The following PLEKHA1 variants were observed in gnomAD, a reference collection of about 807,000 sequenced individuals.
The protein encoded by PLEKHA1 is pleckstrin homology domain containing A1.
A neutral mutation model predicts 52.0 loss-of-function variants in PLEKHA1; 34 were observed. The observed-to-expected ratio is 0.65, with a 90% confidence interval of 0.50 to 0.87. The LOEUF is 0.87. Among genes scored for constraint, PLEKHA1 ranks in the 40% least tolerant of loss-of-function variants. PLEKHA1 has a pLI of 0.00. For missense variants in PLEKHA1, 497 were observed against 504.2 expected, an observed-to-expected ratio of 0.99 and a Z score of 0.14; for synonymous variants, 163 against 170.7, an observed-to-expected ratio of 0.95 and a Z score of 0.35.
chr10:122,423,437 A>AC (rs1565315785), intron 8 of PLEKHA1: 2 of 115,946 alleles, frequency 1.7e-5, no homozygotes, highest in East Asian at 2.2e-4. Flanking sequence ...AAAAAAAAAA[A>AC]AACAAAAAAA....
At chr10:122,440,711 T>TA in the PLEKHA1 span, 1 of 152,154 alleles carries the variant, frequency 6.6e-6, no homozygotes, top group African/African-American at 2.4e-5. Context: ...TAGTCCCTTT[T>TA]AAAAGCCAAA....
intron 1 of PLEKHA1, among the ~76,000 whole-genome samples, chr10:122,376,899 C>T (rs991001166): frequency 2.6e-5 from 4 of 152,184 alleles, no homozygotes; most frequent in Non-Finnish European, 4.4e-5. Context: ...ATATTGACCA[C>T]TCCTAGGAAG....
At chr10:122,381,409 C>T (rs927215734) in intron 1 of PLEKHA1, among the ~76,000 whole-genome samples, 6 of 152,114 alleles carry the variant, frequency 3.9e-5, no homozygotes, top group South Asian at 2.1e-4. Context: ...TGTTGGGAGG[C>T]GGTTGGTTCA....
At chr10:122,385,595 C>T (rs1292748472) in intron 1 of PLEKHA1, among the ~76,000 whole-genome samples, 2 of 152,118 alleles carry the variant, frequency 1.3e-5, no homozygotes, top group South Asian at 2.1e-4. Flanking sequence ...GGATTATAGG[C>T]GTGAGCCACT....
At chr10:122,411,738 A>G (rs1226483348) in intron 5 of PLEKHA1, 1 of 152,220 alleles carries the variant, frequency 6.6e-6, no homozygotes, top group Non-Finnish European at 1.5e-5. Flanking sequence ...AATCACACTA[A>G]TAAACGGTTT....
chr10:122,425,042 G>A, intron 10 of PLEKHA1, 83 bp downstream of exon 10: 2 of 1,292,822 alleles, frequency 1.5e-6, no homozygotes, highest in Non-Finnish European at 2.2e-6. Context: ...AAACAAGCTT[G>A]TTGCACTTGA....
At position 122,429,895 on chromosome 10, in the gene PLEKHA1, TAGTAGACTTGG is replaced by T; in HGVS notation, c.1174_1184del (p.Val392ArgfsTer8). The T allele has an allele frequency of 6.2e-7, 1 of 1,614,140 alleles. No individual in the cohort carries two copies. The highest frequency in any genetic ancestry group is 1.1e-5 in the South Asian group (1 of 91,082). Reference sequence around the variant, plus strand: ...GGCCCTCAGGAAAAAGATTGTGACCTAGTAGACTTGGACGATGCGAGCCTTCCGGTCAGTGA... The same window carrying T: ...GGCCCTCAGGAAAAAGATTGTGACCTACGATGCGAGCCTTCCGGTCAGTGA... On this transcript the variant is annotated frameshift_variant, in exon 12 of 12. Coordinates refer to ENST00000368990, the MANE Select transcript of PLEKHA1 (RefSeq NM_001001974.4). LOFTEE classifies it high-confidence loss of function.
chr10:122,427,111 GTTTC>G, intron 11 of PLEKHA1, 80 bp downstream of exon 11: 2 of 1,308,886 alleles, frequency 1.5e-6, no homozygotes, highest in Non-Finnish European at 2.1e-6. Context: ...AATCCATCCG[GTTTC>G]TTTCTTTCTT....
chr10:122,397,805 T>C, intron 2 of PLEKHA1, 113 bp from the exon 3 acceptor site: 1 of 776,160 alleles, frequency 1.3e-6, no homozygotes. Flanking sequence ...ATTTGTAAAA[T>C]GTGATATTAA....
At chr10:122,432,485 A>C (rs2097422880), downstream of PLEKHA1, 1 of 152,254 alleles carries the variant, frequency 6.6e-6, no homozygotes, top group Non-Finnish European at 1.5e-5. Flanking sequence ...TGCAAGAATA[A>C]GAAACTTCAG....
intron 7 of PLEKHA1, among the ~76,000 whole-genome samples, chr10:122,416,422 T>G (rs1278264234): frequency 6.6e-6 from 1 of 152,172 alleles, no homozygotes; most frequent in Non-Finnish European, 1.5e-5. Context: ...CGTGGTAAGC[T>G]CTCTGACCTT....
At chr10:122,401,776 A>C (rs2096933112) in intron 4 of PLEKHA1, among the ~76,000 whole-genome samples, 1 of 152,152 alleles carries the variant, frequency 6.6e-6, no homozygotes, top group Non-Finnish European at 1.5e-5. Flanking sequence ...TGAAGGAACG[A>C]ATATTTGGAG....
chr10:122,377,313 CTG>C (rs1486872620), intron 1 of PLEKHA1, among the ~76,000 whole-genome samples: 3 of 152,100 alleles, frequency 2.0e-5, no homozygotes, highest in African/African-American at 4.8e-5. Flanking sequence ...TTGATTCCAA[CTG>C]TGAGCTGAGG....
chr10:122,402,942 A>T (rs563403836), intron 4 of PLEKHA1, among the ~76,000 whole-genome samples: 50 of 152,306 alleles, frequency 3.3e-4, no homozygotes, highest in Middle Eastern at 3.4e-3. Context: ...TAGAGAAAAG[A>T]TCCATAGATA....
intron 5 of PLEKHA1, among the ~76,000 whole-genome samples, chr10:122,411,074 A>AT (rs2097100171): frequency 6.6e-6 from 1 of 152,206 alleles, no homozygotes; most frequent in Admixed American, 6.5e-5. Context: ...GACAAGGAAA[A>AT]TTCTCTTCAT....
At position 122,430,788 on chromosome 10, in the gene PLEKHA1, T is replaced by A. The variant is rs933252034; in HGVS notation, c.*850T>A. 2 of 152,294 alleles carry A rather than the reference T, an allele frequency of 1.3e-5. No homozygotes were observed. Among genetic ancestry groups the A allele is most frequent in the Non-Finnish European group, 2.9e-5 (2 of 68,040 alleles). The allele number at this position is 152,294 out of a possible 1,614,324, so 9.4% of individuals were successfully genotyped here. ...ATAACTGCCCTTAGTCATGAAATTG[T>A]TGTGACCTCTACTTTTTGTCACTAA... On this transcript the variant is annotated 3_prime_UTR_variant, in exon 12 of 12. Coordinates refer to ENST00000368990, the MANE Select transcript of PLEKHA1 (RefSeq NM_001001974.4).
At chr10:122,428,423 T>G in intron 11 of PLEKHA1, 1 of 1,450,386 alleles carries the variant, frequency 6.9e-7, no homozygotes, top group Non-Finnish European at 9.1e-7. Context: ...CATAGAAAGT[T>G]GAGTTAACCA....
intron 5 of PLEKHA1, among the ~76,000 whole-genome samples, chr10:122,409,103 A>T (rs1353495628): frequency 6.6e-6 from 1 of 152,144 alleles, no homozygotes; most frequent in Non-Finnish European, 1.5e-5. Context: ...CTCTAACGCT[A>T]TAGTCTGTGA....
At chr10:122,376,411 G>A (rs539739798) in intron 1 of PLEKHA1, among the ~76,000 whole-genome samples, 4 of 151,040 alleles carry the variant, frequency 2.6e-5, no homozygotes, top group Non-Finnish European at 5.9e-5. Context: ...TTATACTGCC[G>A]TAAACCTTAC....
Sources: gnomAD v4.1 joint callset for allele counts (sites outside exome capture counted in the v4.1 genomes callset) on GRCh38, gnomAD v4.1.1 for gene constraint, MANE v1.5 for transcripts, NCBI Gene and HGNC (gene_info 2026-07-23, HGNC 2026-07-21) for gene names.